The following SLAIN2 variants were observed in gnomAD, a reference collection of about 807,000 sequenced individuals.
SLAIN2 encodes SLAIN family member 2, also known as SLAIN motif-containing protein 2.
Under a neutral mutation model 56.6 loss-of-function variants are expected in SLAIN2, and 31 were observed. The observed-to-expected ratio is 0.55, with a 90% CI of 0.41 to 0.74. SLAIN2 has a LOEUF of 0.74. Among genes scored for constraint, SLAIN2 ranks in the 30% least tolerant of loss-of-function variants. SLAIN2 has a pLI of 0.00. For synonymous variants in SLAIN2, 317 were observed against 284.9 expected (o/e 1.11, Z -1.13); for missense variants, 777 against 754.2 (o/e 1.03, Z -0.35).
At chr4:48,360,388 T>C (rs1215378418) in intron 1 of SLAIN2, among the ~76,000 whole-genome samples, 1 of 152,128 alleles carries the variant, frequency 6.6e-6, no homozygotes, top group East Asian at 1.9e-4. Context: ...GGTCAGGAGT[T>C]TGAGACCAGC....
Position 48,346,337 on chromosome 4 carries a change from C to T in SLAIN2, c.389+4209C>T, listed in dbSNP as rs568475739. Reference sequence around the variant, plus strand: ...TAGTGATAAAATTTCTGTTCTTTTCCATCATTTGGAGTGGTAGGCCTAAGC... The same window carrying T: ...TAGTGATAAAATTTCTGTTCTTTTCTATCATTTGGAGTGGTAGGCCTAAGC... On this transcript the variant is annotated intron_variant, in intron 1 of 7. Transcript: ENST00000264313. 2.9e-4 allele frequency among the ~76,000 whole-genome samples: 44 copies of T among 151,956 alleles called. 1 individual carries two copies. Among genetic ancestry groups the T allele is most frequent in the African/African-American group, 1.1e-3 (44 of 41,414 alleles).
chr4:48,356,969 C>G (rs1160370059), intron 1 of SLAIN2, among the ~76,000 whole-genome samples: 1 of 152,044 alleles, frequency 6.6e-6, no homozygotes, highest in Non-Finnish European at 1.5e-5. Flanking sequence ...TGTTTATATA[C>G]ACATATATTC....
At chr4:48,382,404 T>C (rs1715991198) in intron 4 of SLAIN2, among the ~76,000 whole-genome samples, 164 bp from the exon 5 acceptor site, 1 of 152,194 alleles carries the variant, frequency 6.6e-6, no homozygotes, top group Non-Finnish European at 1.5e-5. Flanking sequence ...TATGCCTCCT[T>C]ATATGGACAT....
At chr4:48,392,205 T>A (rs1292287105) in intron 6 of SLAIN2, among the ~76,000 whole-genome samples, 2 of 152,200 alleles carry the variant, frequency 1.3e-5, no homozygotes, top group Non-Finnish European at 2.9e-5. Context: ...AGGAAAATCG[T>A]TCATTTCATT....
chr4:48,348,020 C>G (rs1714913750), intron 1 of SLAIN2, among the ~76,000 whole-genome samples: 1 of 152,164 alleles, frequency 6.6e-6, no homozygotes, highest in African/African-American at 2.4e-5. Flanking sequence ...GACACCAAAC[C>G]TAAAAGTCAA....
chr4:48,377,755 AT>A (rs1404340962), intron 2 of SLAIN2, 140 bp from the exon 3 acceptor site: 15 of 795,844 alleles, frequency 1.9e-5, no homozygotes, highest in East Asian at 5.4e-5. Flanking sequence ...GGATTATTAT[AT>A]TTTTTCCCCC....
chr4:48,417,727 T>A (rs1208592381), intron 6 of SLAIN2, among the ~76,000 whole-genome samples: 4 of 142,776 alleles, frequency 2.8e-5, no homozygotes, highest in African/African-American at 1.0e-4. Flanking sequence ...ATCCAGCATA[T>A]AAACAGAGCC....
intron 6 of SLAIN2, chr4:48,394,484 T>G: frequency 1.0e-6 from 1 of 960,744 alleles, no homozygotes; most frequent in Non-Finnish European, 1.5e-6. Context: ...TGATACATTT[T>G]TAAGTTTGTA....
chr4:48,373,752 G>A (rs555873736), intron 2 of SLAIN2, among the ~76,000 whole-genome samples: 158 of 152,252 alleles, frequency 1.0e-3, no homozygotes, highest in Middle Eastern at 6.8e-3. Flanking sequence ...TGCTAAGAAA[G>A]AGATGTGGCC....
At chr4:48,357,240 A>G (rs1455142061) in intron 1 of SLAIN2, among the ~76,000 whole-genome samples, 1 of 152,064 alleles carries the variant, frequency 6.6e-6, no homozygotes, top group African/African-American at 2.4e-5. Flanking sequence ...TTTGAACTGA[A>G]TATGTTTTTC....
chr4:48,354,552 T>C (rs571335965), intron 1 of SLAIN2, among the ~76,000 whole-genome samples: 3 of 152,080 alleles, frequency 2.0e-5, no homozygotes, highest in Admixed American at 1.3e-4. Context: ...CTGCAACTTT[T>C]GCAGCCCGGG....
intron 6 of SLAIN2, among the ~76,000 whole-genome samples, chr4:48,395,606 A>C (rs1716356938): frequency 6.6e-6 from 1 of 152,166 alleles, no homozygotes; most frequent in South Asian, 2.1e-4. Context: ...TAAGTCAAAT[A>C]GGCAAATAAA....
At chr4:48,357,434 C>T (rs930167889) in intron 1 of SLAIN2, among the ~76,000 whole-genome samples, 9 of 151,220 alleles carry the variant, frequency 6.0e-5, no homozygotes, top group South Asian at 2.1e-4. Context: ...CAGGCTGGAG[C>T]GCAGTGGCAC....
intron 2 of SLAIN2, among the ~76,000 whole-genome samples, chr4:48,373,075 C>G (rs1042887062): frequency 2.6e-5 from 4 of 152,244 alleles, no homozygotes; most frequent in East Asian, 1.9e-4. Context: ...TTTACCCTCC[C>G]TGCTCTTTTC....
rs1394994390 is a variant in SLAIN2, at chr4:48,345,546, A to G, written c.389+3418A>G. Among the ~76,000 whole-genome samples the G allele has an allele frequency of 3.3e-5, 5 of 151,950 alleles. No individual in the cohort carries two copies. The East Asian group carries it at 7.7e-4, about 23-fold the overall frequency. Reference sequence around the variant, plus strand: ...TTCATTGACAGTTTTAACTTCTATTATGCTTAATATGAGCCTGAAGTATCA... The same window carrying G: ...TTCATTGACAGTTTTAACTTCTATTGTGCTTAATATGAGCCTGAAGTATCA... On this transcript the variant is annotated intron_variant, in intron 1 of 7. Coordinates refer to ENST00000264313, the MANE Select transcript of SLAIN2 (RefSeq NM_020846.2).
Position 48,393,386 on chromosome 4 carries a change from T to TTGTGTGTGTGTGTG in SLAIN2, c.1360+9626_1360+9639dup, listed in dbSNP as rs57142552. 9.9e-3 allele frequency among the ~76,000 whole-genome samples: 1,343 copies of TTGTGTGTGTGTGTG among 135,410 alleles called. 7 individuals carry two copies. Among genetic ancestry groups the TTGTGTGTGTGTGTG allele is most frequent in the Admixed American group, 0.013 (175 of 13,486 alleles). The allele number at this position is 135,410 out of a possible 152,430, so 88.8% of individuals were successfully genotyped here. A position where few individuals can be genotyped will look rare whatever the true frequency, so the allele number is the denominator to read the frequency against. ...CCACAGACACACCACCATGTCTGGC[T>TTGTGTGTGTGTGTG]TGTGTGTGTGTGTGTGTGTGTGTGT... is the stretch of plus-strand genomic sequence containing the variant. On this transcript the variant is annotated intron_variant, in intron 6 of 7. Transcript: ENST00000264313.
chr4:48,359,940 G>A (rs890669193), intron 1 of SLAIN2, among the ~76,000 whole-genome samples: 3 of 152,114 alleles, frequency 2.0e-5, no homozygotes, highest in African/African-American at 7.2e-5. Flanking sequence ...TGGATCACGA[G>A]GTCAGGAGTT....
intron 1 of SLAIN2, among the ~76,000 whole-genome samples, chr4:48,359,590 A>G (rs1397146859): frequency 6.6e-6 from 1 of 152,212 alleles, no homozygotes; most frequent in East Asian, 1.9e-4. Context: ...AAGTCTGGAG[A>G]GACATACTCC....
chr4:48,416,676 A>G (rs1250225405), intron 6 of SLAIN2, among the ~76,000 whole-genome samples: 1 of 151,868 alleles, frequency 6.6e-6, no homozygotes, highest in South Asian at 2.1e-4. Context: ...GTGCAATCAA[A>G]CTAGAACTCA....
Sources: allele counts gnomAD v4.1 joint callset (sites outside exome capture counted in the v4.1 genomes callset), GRCh38; gene constraint gnomAD v4.1.1; transcripts MANE v1.5; gene names NCBI Gene and HGNC (gene_info 2026-07-23, HGNC 2026-07-21).